Variants in SP140L observed in about 807,000 individuals in gnomAD.
SP140L encodes the protein SP140 like nuclear body protein.
Under a neutral mutation model 84.3 loss-of-function variants are expected in SP140L, and 64 were observed. The observed-to-expected ratio is 0.76, with a 90% confidence interval of 0.62 to 0.94. The LOEUF (loss-of-function observed/expected upper bound fraction) is 0.94. SP140L is among the 40% of genes least tolerant of loss of function. The pLI is 0.00. For synonymous variants in SP140L, 242 were observed against 236.9 expected (o/e 1.02, Z -0.20); for missense variants, 628 against 692.5 (o/e 0.91, Z 1.05).
chr2:230,340,239 T>C (rs1219912890), intron 2 of SP140L, among the ~76,000 whole-genome samples: 2 of 151,194 alleles, frequency 1.3e-5, no homozygotes, highest in African/African-American at 2.4e-5. Context: ...CCTTTACCAT[T>C]ATGTAATGGC....
intron 1 of SP140L, among the ~76,000 whole-genome samples, chr2:230,327,792 CTGTG>C (rs2059619754): frequency 1.3e-5 from 2 of 152,150 alleles, no homozygotes; most frequent in African/African-American, 4.8e-5. Context: ...ACATTGGAAA[CTGTG>C]GTTTCACCTG....
chr2:230,348,964 C>G (rs2060286958), intron 2 of SP140L, among the ~76,000 whole-genome samples: 1 of 152,236 alleles, frequency 6.6e-6, no homozygotes, highest in Non-Finnish European at 1.5e-5. Context: ...AAACTAAGCA[C>G]AGAGTCATTT....
intron 12 of SP140L, among the ~76,000 whole-genome samples, chr2:230,392,466 T>C (rs2061860187): frequency 6.6e-6 from 1 of 151,972 alleles, no homozygotes; most frequent in South Asian, 2.1e-4. Context: ...GAGGAAAGGG[T>C]AATTCTGACT....
intron 4 of SP140L, among the ~76,000 whole-genome samples, chr2:230,359,984 A>AAGTTTGGTATTGGTGCTATACCAAACTAT (rs2060664803): frequency 6.6e-6 from 1 of 152,250 alleles, no homozygotes; most frequent in Non-Finnish European, 1.5e-5. Flanking sequence ...TACCAAACTA[A>AAGTTTGGTATTGGTGCTATACCAAACTAT]AGTTTTGATT....
intron 2 of SP140L, among the ~76,000 whole-genome samples, chr2:230,350,963 AG>A (rs1228986180): frequency 5.9e-5 from 9 of 152,224 alleles, no homozygotes; most frequent in African/African-American, 2.2e-4. Context: ...GAGTGTGACC[AG>A]GCAGAAGTGA....
intron 14 of SP140L, among the ~76,000 whole-genome samples, chr2:230,397,112 A>G (rs2062086026): frequency 6.6e-6 from 1 of 152,200 alleles, no homozygotes; most frequent in Non-Finnish European, 1.5e-5. Context: ...TTGAAGTGGT[A>G]ATGGATAGGG....
intron 3 of SP140L, 39 bp downstream of exon 3, chr2:230,358,006 T>A: frequency 2.5e-6 from 4 of 1,604,830 alleles, no homozygotes; most frequent in Non-Finnish European, 3.4e-6. Flanking sequence ...AGATATGCTT[T>A]CATATTTTAC....
At chr2:230,337,201 T>C (rs2059905272) in intron 2 of SP140L, among the ~76,000 whole-genome samples, 1 of 152,000 alleles carries the variant, frequency 6.6e-6, no homozygotes, top group African/African-American at 2.4e-5. Context: ...TGGTGTGAGA[T>C]GGTATCTCAT....
chr2:230,328,323 T>G (rs1206902458), intron 1 of SP140L, among the ~76,000 whole-genome samples: 1 of 152,202 alleles, frequency 6.6e-6, no homozygotes, highest in Non-Finnish European at 1.5e-5. Context: ...CGGCATAACT[T>G]TTCTCATATT....
chr2:230,400,319 T>C (rs1303862075), intron 15 of SP140L, 77 bp downstream of exon 15: 1 of 1,414,254 alleles, frequency 7.1e-7, no homozygotes, highest in Non-Finnish European at 9.9e-7. Flanking sequence ...CAGCAGAATG[T>C]CTGCTTGTGT....
At chr2:230,396,503 A>T (rs922143840) in intron 13 of SP140L, among the ~76,000 whole-genome samples, 1 of 152,244 alleles carries the variant, frequency 6.6e-6, no homozygotes, top group Non-Finnish European at 1.5e-5. Context: ...AAAGATGCTA[A>T]TTAGAGGTAG....
intron 7 of SP140L, among the ~76,000 whole-genome samples, chr2:230,383,196 C>T (rs2061464703): frequency 6.6e-6 from 1 of 152,154 alleles, no homozygotes; most frequent in African/African-American, 2.4e-5. Flanking sequence ...ACACAACAAA[C>T]ACTTGAAAAA....
chr2:230,337,057 AG>A (rs1348704351), intron 2 of SP140L, among the ~76,000 whole-genome samples: 6 of 152,242 alleles, frequency 3.9e-5, no homozygotes, highest in African/African-American at 1.4e-4. Flanking sequence ...TAGATCCTTG[AG>A]GAATCGCCAC....
chr2:230,389,525 C>T (rs972998426), intron 10 of SP140L, among the ~76,000 whole-genome samples: 5 of 152,138 alleles, frequency 3.3e-5, no homozygotes, highest in African/African-American at 4.8e-5. Flanking sequence ...AAATGGGAGA[C>T]TGATTATGGT....
intron 5 of SP140L, among the ~76,000 whole-genome samples, chr2:230,366,955 A>G (rs1455877547): frequency 6.6e-6 from 1 of 151,666 alleles, no homozygotes; most frequent in East Asian, 2.0e-4. Context: ...CTGGTCTCGA[A>G]CTCCTGAGGC....
intron 14 of SP140L, among the ~76,000 whole-genome samples, chr2:230,398,853 G>A (rs372576114): frequency 6.6e-6 from 1 of 152,354 alleles, no homozygotes; most frequent in African/African-American, 2.4e-5. Flanking sequence ...GGCTTCCAGA[G>A]GGAGAGTGTG....
chr2:230,392,884 T>A (rs2061882221), intron 12 of SP140L, among the ~76,000 whole-genome samples: 1 of 152,228 alleles, frequency 6.6e-6, no homozygotes, highest in African/African-American at 2.4e-5. Flanking sequence ...TCCTTAAATA[T>A]TCACTGACCT....
intron 2 of SP140L, among the ~76,000 whole-genome samples, chr2:230,349,741 G>A (rs1195926246): frequency 6.6e-6 from 1 of 152,130 alleles, no homozygotes; most frequent in African/African-American, 2.4e-5. Flanking sequence ...GGGCACAGTG[G>A]CTCATGTCTG....
chr2:230,388,768 A>G lies in SP140L; in HGVS notation c.859+135A>G, dbSNP rs369430090. On this transcript the variant is annotated intron_variant, in intron 10 of 18. Transcript: ENST00000415673. ...TACTAACTATTGAAAAACATATCTT[A>G]TTAAGTCATTTTCCAAAATGTATCA... is the stretch of plus-strand genomic sequence containing the variant. 35 of 764,714 alleles carry G rather than the reference A, an allele frequency of 4.6e-5. No homozygotes were observed. In the African/African-American group the frequency reaches 5.3e-4, roughly 12 times the overall value. The allele number at this position is 764,714 out of a possible 1,614,324, so 47.4% of individuals were successfully genotyped here.
Sources: gnomAD v4.1 joint callset for allele counts (sites outside exome capture counted in the v4.1 genomes callset) on GRCh38, gnomAD v4.1.1 for gene constraint, MANE v1.5 for transcripts, NCBI Gene and HGNC (gene_info 2026-07-23, HGNC 2026-07-21) for gene names.